PPP1R12B: variants seen among roughly 807,000 people sequenced by gnomAD.
PPP1R12B encodes the protein myosin phosphatase target subunit 2.
Under a neutral mutation model 126.1 loss-of-function variants are expected in PPP1R12B, and 76 were observed. The observed-to-expected ratio is 0.60, with a 90% CI of 0.50 to 0.73. The LOEUF (loss-of-function observed/expected upper bound fraction) is 0.73, where lower values mean the gene tolerates loss of function less well. Among genes scored for constraint, PPP1R12B ranks in the 30% least tolerant of loss-of-function variants. The probability of loss-of-function intolerance (pLI) is 0.00; values close to 1 mark genes in which losing one functional copy is unlikely to be tolerated. For synonymous variants in PPP1R12B, 356 were observed against 434.7 expected (o/e 0.82, Z 2.25); for missense variants, 1,052 against 1,205.1 (o/e 0.87, Z 1.88).
chr1:202,361,508 T>C (rs902445966), intron 1 of PPP1R12B, among the ~76,000 whole-genome samples: 2 of 152,286 alleles, frequency 1.3e-5, no homozygotes, highest in South Asian at 4.1e-4. Flanking sequence ...AAGGACACCA[T>C]GCCATTTATG....
At position 202,591,029 on chromosome 1, in the gene PPP1R12B, G is replaced by A. The variant is rs940079985; in HGVS notation, c.*10469G>A. ...CCAGACAGATGCTCTCTCAACTCTT[G>A]CCTCAATTTGTCTCTGCTGTGGGTG... On this transcript the variant is annotated 3_prime_UTR_variant, in exon 24 of 24. Transcript: ENST00000608999. 3 of 152,300 alleles carry A rather than the reference G, an allele frequency of 2.0e-5. No homozygotes were observed. The highest frequency in any genetic ancestry group is 4.4e-5 in the Non-Finnish European group (3 of 68,132). 9.4% of individuals were successfully genotyped at this position (152,300 alleles called of 1,614,324 possible). A position where few individuals can be genotyped will look rare whatever the true frequency, so the allele number is the denominator to read the frequency against.
intron 1 of PPP1R12B, among the ~76,000 whole-genome samples, chr1:202,386,908 G>A (rs1006081658): frequency 3.9e-5 from 6 of 152,192 alleles, no homozygotes; most frequent in Non-Finnish European, 8.8e-5. Context: ...AACTTTTCAT[G>A]GCATCCTATT....
At chr1:202,535,414 T>C (rs1035225548) in intron 18 of PPP1R12B, among the ~76,000 whole-genome samples, 1 of 152,178 alleles carries the variant, frequency 6.6e-6, no homozygotes, top group Non-Finnish European at 1.5e-5. Flanking sequence ...TTTCTTCCTT[T>C]ACTAACTTTT....
In PPP1R12B at chr1:202,465,965, G is replaced by C. The variant is rs181935806; in HGVS notation, c.1850+16794G>C. ...CTGACAGTGTTTAATAGAACACTTA[G>C]CATACAAAATTCATAAACATTGGGA... On this transcript the variant is annotated intron_variant, in intron 13 of 23. Transcript: ENST00000608999. Among the ~76,000 whole-genome samples the C allele has an allele frequency of 4.5e-3, 682 of 152,248 alleles. 1 individual carries two copies. The highest frequency in any genetic ancestry group is 8.3e-3 in the Non-Finnish European group (563 of 68,008).
chr1:202,454,120 C>G (rs536892494), intron 13 of PPP1R12B, among the ~76,000 whole-genome samples: 9 of 152,280 alleles, frequency 5.9e-5, no homozygotes. Context: ...TGGGGGAAAT[C>G]AGGTAGTTTA....
Position 202,471,579 on chromosome 1 carries a change from T to TG in PPP1R12B, c.1851-16954_1851-16953insG, listed in dbSNP as rs1321497934. Among the ~76,000 whole-genome samples, 4 of 150,786 alleles carry TG rather than the reference T, an allele frequency of 2.7e-5. No individual in the cohort carries two copies. In the East Asian group the frequency reaches 7.8e-4, roughly 29 times the overall value. On this transcript the variant is annotated intron_variant, in intron 13 of 23. Transcript: ENST00000608999. ...CAACTAGGTTAGACTTAAAATGTTT[T>TG]TTTTTTTTTTTTTTGCTGCTACTGC... is the stretch of plus-strand genomic sequence containing the variant.
intron 18 of PPP1R12B, among the ~76,000 whole-genome samples, chr1:202,548,804 C>CTATATA (rs1321500598): frequency 7.1e-4 from 58 of 82,256 alleles, no homozygotes; most frequent in Non-Finnish European, 1.0e-3. Flanking sequence ...CTCTCTCTCT[C>CTATATA]TCTCTATATA....
intron 10 of PPP1R12B, chr1:202,439,802 C>G (rs2148689191): frequency 9.3e-6 from 4 of 432,138 alleles, no homozygotes; most frequent in South Asian, 2.3e-5. Flanking sequence ...TCCCCACTCC[C>G]CTTCTCCTGC....
At chr1:202,392,746 C>G (rs1333278473) in intron 1 of PPP1R12B, among the ~76,000 whole-genome samples, 4 of 151,884 alleles carry the variant, frequency 2.6e-5, no homozygotes, top group South Asian at 2.1e-4. Flanking sequence ...AGGCTGGTCT[C>G]AAACTCCTGA....
chr1:202,568,725 C>T (rs1206031278), intron 22 of PPP1R12B, among the ~76,000 whole-genome samples: 2 of 152,134 alleles, frequency 1.3e-5, no homozygotes, highest in Admixed American at 6.5e-5. Context: ...ACCATCTGCT[C>T]CTCATCATGA....
intron 13 of PPP1R12B, among the ~76,000 whole-genome samples, chr1:202,470,893 A>C (rs1353736137): frequency 1.4e-5 from 2 of 147,314 alleles, no homozygotes; most frequent in South Asian, 4.6e-4. Context: ...GTGGCAGAGC[A>C]AGACCTCATC....
intron 1 of PPP1R12B, among the ~76,000 whole-genome samples, chr1:202,409,759 G>A (rs1235541342): frequency 6.6e-6 from 1 of 152,088 alleles, no homozygotes; most frequent in Non-Finnish European, 1.5e-5. Flanking sequence ...GATCACCTGG[G>A]CTCAAGCGAT....
rs1384525107 is a variant in PPP1R12B at position 202,588,849 on chromosome 1, AGATAGATAGATAGATAGATAGAT to A, written c.*8290_*8312del. 4.8e-5 allele frequency: 7 copies of A among 144,990 alleles called. No homozygotes were observed. Among genetic ancestry groups the A allele is most frequent in the African/African-American group, 2.0e-4 (7 of 35,504 alleles). The allele number at this position is 144,990 out of a possible 1,614,324, so 9.0% of individuals were successfully genotyped here. A position where few individuals can be genotyped will look rare whatever the true frequency, so the allele number is the denominator to read the frequency against. On this transcript the variant is annotated 3_prime_UTR_variant, in exon 24 of 24. Coordinates refer to ENST00000608999, the MANE Select transcript of PPP1R12B (RefSeq NM_002481.4). Reference sequence around the variant, plus strand: ...AAGATAGATAGATAGATAGATAGATAGATAGATAGATAGATAGATAGATATCAAGGTTCCAAGCTTCAAGTAAC... The same window carrying A: ...AAGATAGATAGATAGATAGATAGATAATCAAGGTTCCAAGCTTCAAGTAAC...
chr1:202,483,391 G>GA (rs1677667244), intron 13 of PPP1R12B, among the ~76,000 whole-genome samples: 1 of 150,910 alleles, frequency 6.6e-6, no homozygotes, highest in African/African-American at 2.4e-5. Context: ...TAGAGAACTG[G>GA]AAAGATAAAC....
Position 202,348,970 on chromosome 1 carries a change from G to T in PPP1R12B, c.119G>T (p.Gly40Val). ...GAGCAGGAGCCTGCGGAGCGACGAG[G>T]CGCGGGGCGGCAGCCGCTGACCAGG... ...LTEQEPAERR[G>V]AGRQPLTRRG... The change falls in exon 1 of 24, where the codon GGC (glycine) becomes GTC (valine). Residue 40 changes from glycine (G) to valine (V), a missense_variant. Physicochemically the swap from Gly to Val is moderately radical, Grantham distance 109. Coordinates refer to ENST00000608999, the MANE Select transcript of PPP1R12B (RefSeq NM_002481.4). 6.2e-7 allele frequency: 1 copy of T among 1,601,658 alleles called. No homozygotes were observed. Among genetic ancestry groups the T allele is most frequent in the Non-Finnish European group, 8.5e-7 (1 of 1,175,454 alleles).
At chr1:202,505,746 T>C (rs1179525783) in intron 18 of PPP1R12B, among the ~76,000 whole-genome samples, 1 of 152,166 alleles carries the variant, frequency 6.6e-6, no homozygotes, top group Non-Finnish European at 1.5e-5. Flanking sequence ...TTTTGCAGTA[T>C]ATTACATAAC....
At chr1:202,545,735 G>T (rs557207719) in intron 18 of PPP1R12B, among the ~76,000 whole-genome samples, 1 of 152,188 alleles carries the variant, frequency 6.6e-6, no homozygotes, top group Non-Finnish European at 1.5e-5. Context: ...CAGCCATGTG[G>T]TTAATACATT....
intron 1 of PPP1R12B, among the ~76,000 whole-genome samples, chr1:202,365,309 G>A (rs1659022985): frequency 1.3e-5 from 2 of 151,960 alleles, no homozygotes; most frequent in Admixed American, 6.6e-5. Context: ...AAAGCCAATT[G>A]TGGTCGCCTG....
chr1:202,455,237 C>T (rs1055796284), intron 13 of PPP1R12B, among the ~76,000 whole-genome samples: 1 of 151,944 alleles, frequency 6.6e-6, no homozygotes, highest in African/African-American at 2.4e-5. Flanking sequence ...ACATACCATA[C>T]AATTCACTCA....
Sources: gnomAD v4.1 joint callset for allele counts (sites outside exome capture counted in the v4.1 genomes callset) on GRCh38, gnomAD v4.1.1 for gene constraint, MANE v1.5 for transcripts, NCBI Gene and HGNC (gene_info 2026-07-23, HGNC 2026-07-21) for gene names.